The following ZHX2 variants were observed in gnomAD, a reference collection of about 807,000 sequenced individuals.
ZHX2 encodes the protein zinc fingers and homeoboxes protein 2.
A neutral mutation model predicts 21.9 loss-of-function variants in ZHX2; 6 were observed. The observed-to-expected ratio is 0.27, with a 90% CI of 0.15 to 0.54. The LOEUF is 0.54. ZHX2 is among the 20% of genes least tolerant of loss of function. The probability of loss-of-function intolerance (pLI) is 0.95; values close to 1 mark genes in which losing one functional copy is unlikely to be tolerated. For synonymous variants in ZHX2, 434 were observed against 437.1 expected (o/e 0.99, Z 0.09); for missense variants, 908 against 1,090.7 (o/e 0.83, Z 2.36).
At chr8:122,897,521 A>G (rs1249797359) in intron 2 of ZHX2, among the ~76,000 whole-genome samples, 1 of 152,162 alleles carries the variant, frequency 6.6e-6, no homozygotes, top group Non-Finnish European at 1.5e-5. Flanking sequence ...GCAGACTGAG[A>G]GGTTTTTGTT....
At chr8:122,940,054 G>A (rs1812803565) in intron 2 of ZHX2, among the ~76,000 whole-genome samples, 1 of 152,196 alleles carries the variant, frequency 6.6e-6, no homozygotes, top group South Asian at 2.1e-4. Context: ...ACTGAGGTTA[G>A]CCATGGTGAA....
intron 2 of ZHX2, among the ~76,000 whole-genome samples, chr8:122,945,298 C>G (rs561773248): frequency 9.2e-4 from 140 of 152,096 alleles, no homozygotes; most frequent in African/African-American, 3.1e-3. Flanking sequence ...GAGTTGCATT[C>G]CACTTGCAAC....
chr8:122,858,993 A>G (rs989720518), intron 1 of ZHX2, among the ~76,000 whole-genome samples: 3 of 152,188 alleles, frequency 2.0e-5, no homozygotes, highest in Admixed American at 6.5e-5. Flanking sequence ...GCAGGAACAG[A>G]AGGCTCCACT....
At chr8:122,837,812 G>A (rs1246536470) in intron 1 of ZHX2, among the ~76,000 whole-genome samples, 4 of 152,174 alleles carry the variant, frequency 2.6e-5, no homozygotes, top group Non-Finnish European at 5.9e-5. Flanking sequence ...GGTGCTTAAT[G>A]GCTTTTAGTA....
intron 2 of ZHX2, among the ~76,000 whole-genome samples, chr8:122,930,660 T>A (rs1234305183): frequency 1.3e-5 from 2 of 151,814 alleles, no homozygotes; most frequent in Admixed American, 6.6e-5. Context: ...TTTTTTTTTT[T>A]ATTTTTTTCA....
Position 122,953,919 on chromosome 8 carries a change from G to C in ZHX2, c.2409G>C (p.Ala803=), listed in dbSNP as rs3802265. 0.37 allele frequency: 603,864 copies of C among 1,613,786 alleles called. 116,333 individuals carry two copies. Among genetic ancestry groups the C allele is most frequent in the East Asian group, 0.69 (30,873 of 44,822 alleles). The change falls in exon 3 of 4, where the codon GCG becomes GCC. Residue 803 remains alanine (A), a synonymous_variant. Transcript: ENST00000314393. The surrounding 1 kb of genome is among the most constrained non-coding windows in gnomAD (Gnocchi z 4.6). The stretch of plus-strand genomic sequence containing the variant: ...AGGTGACGGTCGGGGAGGAGGATGC[G>C]ATCTCAGATAGATCAGATAGCTGGA... ...YVEVTVGEED[A]ISDRSDSWSQ...
At chr8:122,849,091 G>T (rs764317467) in intron 1 of ZHX2, among the ~76,000 whole-genome samples, 20 of 152,244 alleles carry the variant, frequency 1.3e-4, no homozygotes, top group Non-Finnish European at 2.9e-4. Flanking sequence ...TGGCCAGGCA[G>T]GGACCTTTCT....
At chr8:122,885,852 C>A (rs1819828705) in intron 2 of ZHX2, among the ~76,000 whole-genome samples, 1 of 152,160 alleles carries the variant, frequency 6.6e-6, no homozygotes, top group African/African-American at 2.4e-5. Context: ...TGCAAAAGCC[C>A]ATAGTCTGTA....
intron 1 of ZHX2, among the ~76,000 whole-genome samples, chr8:122,849,151 G>C (rs1377408896): frequency 6.6e-6 from 1 of 152,134 alleles, no homozygotes; most frequent in Non-Finnish European, 1.5e-5. Context: ...TGGGCCTCTG[G>C]CCTCCCTGTT....
At chr8:122,854,147 T>C (rs946617168) in intron 1 of ZHX2, among the ~76,000 whole-genome samples, 6 of 152,202 alleles carry the variant, frequency 3.9e-5, no homozygotes, top group African/African-American at 1.4e-4. Flanking sequence ...TCTCACAGCA[T>C]GCCTGGTGTC....
chr8:122,950,784 TG>T (rs557117234), intron 2 of ZHX2, among the ~76,000 whole-genome samples: 5 of 151,890 alleles, frequency 3.3e-5, no homozygotes, highest in African/African-American at 1.2e-4. Flanking sequence ...ACTGCAATAT[TG>T]GGGGGGTGAT....
intron 1 of ZHX2, among the ~76,000 whole-genome samples, chr8:122,835,935 G>C (rs544997609): frequency 6.6e-6 from 1 of 152,248 alleles, no homozygotes; most frequent in African/African-American, 2.4e-5. Flanking sequence ...ACAGCACTTA[G>C]GGCAGATATC....
chr8:122,839,679 A>G (rs1216047222), intron 1 of ZHX2, among the ~76,000 whole-genome samples: 1 of 152,196 alleles, frequency 6.6e-6, no homozygotes, highest in East Asian at 1.9e-4. Context: ...TGCAAGTTGT[A>G]CAGTCCCCAG....
intron 2 of ZHX2, among the ~76,000 whole-genome samples, chr8:122,904,246 T>G (rs1371901505): frequency 6.6e-6 from 1 of 152,136 alleles, no homozygotes; most frequent in African/African-American, 2.4e-5. Flanking sequence ...AGCCAAAAAC[T>G]TTTAGACAGT....
chr8:122,842,497 A>G (rs2130714696), intron 1 of ZHX2, among the ~76,000 whole-genome samples: 2 of 152,302 alleles, frequency 1.3e-5, no homozygotes, highest in East Asian at 3.9e-4. Flanking sequence ...GGAGGTCAGG[A>G]GATCGAGACC....
At chr8:122,823,486 G>C (rs949467632) in intron 1 of ZHX2, among the ~76,000 whole-genome samples, 1 of 152,184 alleles carries the variant, frequency 6.6e-6, no homozygotes, top group Non-Finnish European at 1.5e-5. Flanking sequence ...CTCCCAGTTG[G>C]GGGTGGGTGA....
chr8:122,952,969 T>A lies in ZHX2; in HGVS notation c.1459T>A (p.Phe487Ile). Residue 487 changes from phenylalanine to isoleucine, a missense_variant, in exon 3 of 4, where the codon TTC becomes ATC. Around this residue, in one of 4 missense-constraint regions of ZHX2, gnomAD observed 232 missense variants for 361.8 expected, o/e 0.64. Coordinates refer to ENST00000314393, the MANE Select transcript of ZHX2 (RefSeq NM_014943.5). This position sits in a 1 kb window ranked among gnomAD's most constrained non-coding sequence, Gnocchi z 6.9. ...TGCCAGGAGCGAGATCAAGAAGTGG[T>A]TCAGTGACCACCGATATCGGTGTCA... ...GLARSEIKKW[F>I]SDHRYRCQRG... The A allele has an allele frequency of 6.2e-7, 1 of 1,613,980 alleles. No individual in the cohort carries two copies. Among genetic ancestry groups the A allele is most frequent in the Non-Finnish European group, 8.5e-7 (1 of 1,179,994 alleles).
Position 122,844,864 on chromosome 8 carries a change from A to G in ZHX2, c.-282-18613A>G, listed in dbSNP as rs181901942. Among the ~76,000 whole-genome samples, 26 of 152,340 alleles carry G rather than the reference A, an allele frequency of 1.7e-4. No individual in the cohort carries two copies. In the East Asian group the frequency reaches 3.9e-3, roughly 23 times the overall value. The stretch of plus-strand genomic sequence containing the variant: ...AAGGAAACCTACTGGGCATCATTCA[A>G]CTTTGCAAGTTAGAACATAAGACAT... On this transcript the variant is annotated intron_variant, in intron 1 of 3. Transcript: ENST00000314393.
At chr8:122,940,816 G>A (rs1812823083) in intron 2 of ZHX2, among the ~76,000 whole-genome samples, 1 of 152,162 alleles carries the variant, frequency 6.6e-6, no homozygotes, top group African/African-American at 2.4e-5. Flanking sequence ...AGCAGGCATG[G>A]AGCCAGGATT....
Sources: gnomAD v4.1 joint callset for allele counts (sites outside exome capture counted in the v4.1 genomes callset) on GRCh38, gnomAD v4.1.1 for gene constraint, gnomAD v4.1.1 regional missense constraint, Gnocchi (gnomAD v3.1) non-coding constraint, MANE v1.5 for transcripts, NCBI Gene and HGNC (gene_info 2026-07-23, HGNC 2026-07-21) for gene names.